The following SYK variants were observed in gnomAD, a reference collection of about 807,000 sequenced individuals.
SYK encodes the protein tyrosine-protein kinase SYK.
SYK carries 16 observed loss-of-function variants against 77.8 expected under a neutral mutation model. The ratio of observed to expected loss-of-function variants is 0.21; its 90% CI spans 0.14 to 0.31. The LOEUF is 0.31. SYK is among the 10% of genes least tolerant of loss of function. SYK has a pLI of 1.00. For synonymous variants in SYK, 312 were observed against 308.7 expected (o/e 1.01, Z -0.11); for missense variants, 529 against 814.4 (o/e 0.65, Z 4.26).
intron 1 of SYK, among the ~76,000 whole-genome samples, chr9:90,818,361 C>T (rs1825374345): frequency 6.6e-6 from 1 of 152,156 alleles, no homozygotes; most frequent in Non-Finnish European, 1.5e-5. Context: ...AAAAAAGTTC[C>T]TGGGGCACTC....
chr9:90,811,651 C>T (rs543818390), intron 1 of SYK, among the ~76,000 whole-genome samples: 2 of 152,246 alleles, frequency 1.3e-5, no homozygotes, highest in South Asian at 4.1e-4. Context: ...GGTGCAATGA[C>T]TCATGCCTGT....
At chr9:90,871,896 T>C (rs1345303003) in intron 7 of SYK, among the ~76,000 whole-genome samples, 1 of 152,224 alleles carries the variant, frequency 6.6e-6, no homozygotes, top group Admixed American at 6.5e-5. Context: ...CCAAGCTTTA[T>C]TGGCTATAAA....
At chr9:90,840,864 G>T (rs1826282086) in intron 1 of SYK, among the ~76,000 whole-genome samples, 1 of 152,226 alleles carries the variant, frequency 6.6e-6, no homozygotes, top group African/African-American at 2.4e-5. Context: ...TCGCCCAGGA[G>T]TACTGACTTG....
chr9:90,874,645 G>A (rs1827859264), intron 8 of SYK, 27 bp from the exon 9 acceptor site: 1 of 1,598,246 alleles, frequency 6.3e-7, no homozygotes, highest in Non-Finnish European at 8.5e-7. Flanking sequence ...CCAGCCCCAG[G>A]TCGTATGTTT....
chr9:90,814,347 G>A (rs190021802), intron 1 of SYK, among the ~76,000 whole-genome samples: 1 of 152,242 alleles, frequency 6.6e-6, no homozygotes, highest in African/African-American at 2.4e-5. Context: ...GCCACATGTG[G>A]CCACTGACCG....
intron 6 of SYK, among the ~76,000 whole-genome samples, chr9:90,866,689 G>T (rs765658506): frequency 6.6e-6 from 1 of 151,824 alleles, no homozygotes; most frequent in Non-Finnish European, 1.5e-5. Context: ...AGATACATAC[G>T]GGAAAAAAAA....
intron 13 of SYK, among the ~76,000 whole-genome samples, chr9:90,893,810 T>G (rs559434663): frequency 6.6e-6 from 1 of 152,054 alleles, no homozygotes; most frequent in East Asian, 1.9e-4. Flanking sequence ...CAAGGTTGAG[T>G]GCAGGGATGA....
At position 90,895,380 on chromosome 9, in the gene SYK, G is replaced by T; in HGVS notation, c.1836-148G>T. On this transcript the variant is annotated intron_variant, in intron 13 of 13. Coordinates refer to ENST00000375754, the MANE Select transcript of SYK (RefSeq NM_003177.7). This position sits in a 1 kb window ranked among gnomAD's most constrained non-coding sequence, Gnocchi z 4.4. ...GCCTTGTGGTCACCCTGGGGTGGGG[G>T]GCACAGGGACCACGCTGTGAGCTGC... 1 of 741,082 alleles carries T rather than the reference G, an allele frequency of 1.3e-6. No individual in the cohort carries two copies. Among genetic ancestry groups the T allele is most frequent in the Non-Finnish European group, 2.3e-6 (1 of 435,324 alleles). The allele number at this position is 741,082 out of a possible 1,614,324, so 45.9% of individuals were successfully genotyped here.
chr9:90,859,590 A>G (rs1294141133), intron 3 of SYK, among the ~76,000 whole-genome samples: 3 of 152,234 alleles, frequency 2.0e-5, no homozygotes, highest in Admixed American at 1.3e-4. Context: ...TAGTGCACAC[A>G]TTTCATACAC....
At chr9:90,802,806 A>C (rs901374860) in intron 1 of SYK, among the ~76,000 whole-genome samples, 1 of 150,462 alleles carries the variant, frequency 6.6e-6, no homozygotes, top group African/African-American at 2.4e-5. Flanking sequence ...AAAGCATTGC[A>C]GCGTGTAGTA....
At chr9:90,835,656 C>T (rs918883636) in intron 1 of SYK, among the ~76,000 whole-genome samples, 3 of 152,230 alleles carry the variant, frequency 2.0e-5, no homozygotes, top group South Asian at 2.1e-4. Context: ...ACAGAAGCAT[C>T]GGCACACATT....
In SYK at chr9:90,844,144, T is replaced by C; in HGVS notation, c.246T>C (p.His82=). Residue 82 remains histidine, a synonymous_variant, in exon 2 of 14, where the codon CAT becomes CAC. Transcript: ENST00000375754. The stretch of plus-strand genomic sequence containing the variant: ...ACGCCATCGCCGGTGGCAGGACCCA[T>C]GCCAGCCCCGCCGACCTCTGCCACT... ...GTYAIAGGRT[H]ASPADLCHYH... is the part of the protein sequence containing the mutation. 1.2e-6 allele frequency: 2 copies of C among 1,614,112 alleles called. No homozygotes were observed. Among genetic ancestry groups the C allele is most frequent in the Non-Finnish European group, 1.7e-6 (2 of 1,179,990 alleles).
intron 6 of SYK, among the ~76,000 whole-genome samples, chr9:90,865,842 C>A (rs1456619070): frequency 6.0e-5 from 9 of 148,854 alleles, no homozygotes; most frequent in Non-Finnish European, 1.3e-4. Flanking sequence ...CAGATTTATG[C>A]TCTAAGCAGG....
chr9:90,810,333 G>A (rs1825026734), intron 1 of SYK, among the ~76,000 whole-genome samples: 1 of 152,152 alleles, frequency 6.6e-6, no homozygotes, highest in Non-Finnish European at 1.5e-5. Context: ...CTGTGTGCCT[G>A]TCTCTGGGTC....
rs371735956 is a variant in SYK, at chr9:90,860,414, A to G, written c.579-1792A>G. ...AAAACAGACTCAGTTCTCTCTTTATATGAAAAGATTACCATGTGGTTTTTT... is the reference window on the plus strand; with the variant it reads ...AAAACAGACTCAGTTCTCTCTTTATGTGAAAAGATTACCATGTGGTTTTTT... On this transcript the variant is annotated intron_variant, in intron 3 of 13. Transcript: ENST00000375754. Among the ~76,000 whole-genome samples the G allele has an allele frequency of 6.2e-5, 9 of 146,324 alleles. 1 individual carries two copies. Among genetic ancestry groups the G allele is most frequent in the African/African-American group, 2.3e-4 (9 of 38,664 alleles).
intron 6 of SYK, 52 bp from the exon 7 acceptor site, chr9:90,867,079 G>A (rs2118825501): frequency 6.2e-7 from 1 of 1,600,262 alleles, no homozygotes; most frequent in East Asian, 2.2e-5. Context: ...AAGGGATCCT[G>A]TATTTGTTTT....
intron 1 of SYK, among the ~76,000 whole-genome samples, chr9:90,820,464 T>C (rs976427825): frequency 1.3e-5 from 2 of 152,264 alleles, no homozygotes; most frequent in African/African-American, 4.8e-5. Context: ...TCTTGACTTC[T>C]GTGCACTCGC....
At chr9:90,887,072 C>T (rs1828604872) in intron 11 of SYK, among the ~76,000 whole-genome samples, 1 of 152,228 alleles carries the variant, frequency 6.6e-6, no homozygotes, top group African/African-American at 2.4e-5. Context: ...AAGTCATTTA[C>T]TGAGTGTACA....
chr9:90,830,797 G>A (rs539105543), intron 1 of SYK, among the ~76,000 whole-genome samples: 1 of 152,058 alleles, frequency 6.6e-6, no homozygotes, highest in Non-Finnish European at 1.5e-5. Context: ...CTGTTAGCCA[G>A]GATGGTCTCA....
Sources: allele counts gnomAD v4.1 joint callset (sites outside exome capture counted in the v4.1 genomes callset), GRCh38; gene constraint gnomAD v4.1.1; non-coding constraint Gnocchi (gnomAD v3.1); transcripts MANE v1.5; gene names NCBI Gene and HGNC (gene_info 2026-07-23, HGNC 2026-07-21).